Variants in KCNH1 observed in about 807,000 individuals in gnomAD.
The protein encoded by KCNH1 is voltage-gated delayed rectifier potassium channel KCNH1.
Under a neutral mutation model 69.2 loss-of-function variants are expected in KCNH1, and 27 were observed. The ratio of observed to expected loss-of-function variants is 0.39; its 90% confidence interval spans 0.29 to 0.54. The LOEUF is 0.54. Among genes scored for constraint, KCNH1 ranks in the 20% least tolerant of loss-of-function variants. KCNH1 has a pLI of 0.68. For synonymous variants in KCNH1, 456 were observed against 487.7 expected, an observed-to-expected ratio of 0.93 and a Z score of 0.86; for missense variants, 798 against 1,261.6, an observed-to-expected ratio of 0.63 and a Z score of 5.57.
At chr1:210,748,229 G>C (rs1033530742) in intron 10 of KCNH1, among the ~76,000 whole-genome samples, 1 of 152,306 alleles carries the variant, frequency 6.6e-6, no homozygotes, top group East Asian at 1.9e-4. Flanking sequence ...CGCAGGAGTG[G>C]GATAGTGGGT....
At chr1:210,803,137 C>A (rs1684462668) in intron 8 of KCNH1, among the ~76,000 whole-genome samples, 1 of 152,106 alleles carries the variant, frequency 6.6e-6, no homozygotes, top group Non-Finnish European at 1.5e-5. Context: ...CAGTCTCACT[C>A]TGTCACCAAG....
intron 7 of KCNH1, among the ~76,000 whole-genome samples, chr1:210,882,458 T>C (rs556278876): frequency 2.6e-5 from 4 of 152,146 alleles, no homozygotes; most frequent in Non-Finnish European, 5.9e-5. Context: ...TTGTATAACA[T>C]CTAAACTCAT....
At chr1:211,002,851 G>T (rs1571569815) in intron 6 of KCNH1, among the ~76,000 whole-genome samples, 1 of 152,094 alleles carries the variant, frequency 6.6e-6, no homozygotes, top group East Asian at 1.9e-4. Context: ...GTCAACCGGG[G>T]TGTCCTTGGA....
intron 6 of KCNH1, among the ~76,000 whole-genome samples, chr1:210,924,515 AT>A (rs966275048): frequency 2.0e-5 from 3 of 152,214 alleles, no homozygotes; most frequent in African/African-American, 7.2e-5. Flanking sequence ...TGTCTAATGC[AT>A]TTTAAGCTAT....
intron 10 of KCNH1, among the ~76,000 whole-genome samples, chr1:210,759,087 C>T (rs148617817): frequency 2.2e-4 from 33 of 151,808 alleles, no homozygotes; most frequent in African/African-American, 8.0e-4. Flanking sequence ...ATATATACCA[C>T]AGTCATACCC....
At chr1:210,957,261 G>T (rs12087790) in intron 6 of KCNH1, among the ~76,000 whole-genome samples, 14,104 of 152,184 alleles carry the variant, frequency 0.093, 1,852 homozygotes, top group African/African-American at 0.3. Flanking sequence ...TAATTTGATT[G>T]CACTGTGGTC....
intron 10 of KCNH1, among the ~76,000 whole-genome samples, chr1:210,770,858 C>T (rs1181237406): frequency 6.6e-6 from 1 of 152,222 alleles, no homozygotes; most frequent in Non-Finnish European, 1.5e-5. Flanking sequence ...TTCACTGAGG[C>T]TACCACAGAA....
At chr1:210,987,104 A>G (rs1409433458) in intron 6 of KCNH1, among the ~76,000 whole-genome samples, 1 of 152,136 alleles carries the variant, frequency 6.6e-6, no homozygotes. Flanking sequence ...CATTCGTCAC[A>G]TAGTTCTTGT....
chr1:210,798,906 T>G (rs1684376911), intron 8 of KCNH1, among the ~76,000 whole-genome samples: 1 of 152,296 alleles, frequency 6.6e-6, no homozygotes, highest in South Asian at 2.1e-4. Flanking sequence ...GCTAAACACT[T>G]TAGAATCATT....
chr1:211,080,763 A>G (rs1473658026), intron 5 of KCNH1, among the ~76,000 whole-genome samples: 1 of 152,234 alleles, frequency 6.6e-6, no homozygotes, highest in Non-Finnish European at 1.5e-5. Flanking sequence ...CTGGCTAGCC[A>G]TATTGGAAAG....
chr1:210,785,850 A>C (rs1223511744), intron 9 of KCNH1, among the ~76,000 whole-genome samples: 1 of 152,126 alleles, frequency 6.6e-6, no homozygotes, highest in African/African-American at 2.4e-5. Context: ...CCTCTGCCAT[A>C]AGATTTATGG....
At chr1:210,836,402 A>C (rs913365558) in intron 7 of KCNH1, among the ~76,000 whole-genome samples, 1 of 152,320 alleles carries the variant, frequency 6.6e-6, no homozygotes, top group Non-Finnish European at 1.5e-5. Context: ...GCCTGCCAGG[A>C]AATTACCTTA....
chr1:210,870,852 G>T (rs1019109283), intron 7 of KCNH1, among the ~76,000 whole-genome samples: 5 of 152,018 alleles, frequency 3.3e-5, no homozygotes, highest in Non-Finnish European at 7.4e-5. Flanking sequence ...TCGGCTTAAG[G>T]GTACATTATC....
At chr1:210,817,283 G>A (rs1239840457) in intron 7 of KCNH1, among the ~76,000 whole-genome samples, 2 of 152,174 alleles carry the variant, frequency 1.3e-5, no homozygotes, top group African/African-American at 4.8e-5. Flanking sequence ...TCCTGACTTT[G>A]TTGCTGAGGA....
At chr1:210,983,308 C>T (rs997648888) in intron 6 of KCNH1, among the ~76,000 whole-genome samples, 4 of 152,168 alleles carry the variant, frequency 2.6e-5, no homozygotes, top group African/African-American at 9.7e-5. Flanking sequence ...TCTTTTGTTG[C>T]CATTGCTTTT....
intron 10 of KCNH1, among the ~76,000 whole-genome samples, chr1:210,712,083 G>A (rs1682090313): frequency 2.6e-5 from 4 of 152,034 alleles, no homozygotes; most frequent in African/African-American, 7.2e-5. Context: ...TGAGTACAAC[G>A]CTCAGCCATT....
intron 6 of KCNH1, among the ~76,000 whole-genome samples, chr1:210,942,147 C>T (rs1687887944): frequency 6.6e-6 from 1 of 152,176 alleles, no homozygotes; most frequent in Non-Finnish European, 1.5e-5. Flanking sequence ...AGTAAGTAAA[C>T]ATACTTAATC....
intron 1 of KCNH1, among the ~76,000 whole-genome samples, chr1:211,130,634 G>C (rs963874960): frequency 6.6e-6 from 1 of 152,072 alleles, no homozygotes; most frequent in African/African-American, 2.4e-5. Context: ...TGCCTCTTAC[G>C]AATTGTAGGT....
chr1:210,983,133 T>C (rs143991687), intron 6 of KCNH1, among the ~76,000 whole-genome samples: 6,934 of 152,230 alleles, frequency 0.046, 261 homozygotes, highest in East Asian at 0.18. Flanking sequence ...TTTTTTCTTG[T>C]AAATTTGTTT....
Sources: allele counts gnomAD v4.1 joint callset (sites outside exome capture counted in the v4.1 genomes callset), GRCh38; gene constraint gnomAD v4.1.1; transcripts MANE v1.5; gene names NCBI Gene and HGNC (gene_info 2026-07-23, HGNC 2026-07-21).